CAST: variants seen among roughly 807,000 people sequenced by gnomAD.
The protein encoded by CAST is MIR583 host.
Under a neutral mutation model 119.6 loss-of-function variants are expected in CAST, and 76 were observed. The ratio of observed to expected loss-of-function variants is 0.64; its 90% CI spans 0.53 to 0.77. CAST has a LOEUF of 0.77. CAST is among the 30% of genes least tolerant of loss of function. CAST has a pLI of 0.00. For synonymous variants in CAST, 319 were observed against 331.6 expected (o/e 0.96, Z 0.41); for missense variants, 953 against 946.5 (o/e 1.01, Z -0.09).
At chr5:96,302,511 C>G in the CAST span, among the ~76,000 whole-genome samples, 2 of 152,096 alleles carry the variant, frequency 1.3e-5, no homozygotes, top group African/African-American at 4.8e-5. Context: ...GCTCTGCTTC[C>G]CTTTTAAATA....
intron 2 of CAST, among the ~76,000 whole-genome samples, chr5:96,680,209 C>T (rs946452574): frequency 6.6e-6 from 1 of 151,140 alleles, no homozygotes; most frequent in Admixed American, 6.6e-5. Context: ...ATTGGCCAGG[C>T]GTGGTCGTGG....
chr5:96,009,055 A>G, the CAST span, among the ~76,000 whole-genome samples: 1 of 152,134 alleles, frequency 6.6e-6, no homozygotes, highest in African/African-American at 2.4e-5. Context: ...ACAAGTGAGA[A>G]CATGCAGTAT....
the CAST span, among the ~76,000 whole-genome samples, chr5:96,347,090 G>T: frequency 1.3e-5 from 2 of 151,936 alleles, no homozygotes. Flanking sequence ...CCCTTCCACT[G>T]GGCTCACGCA....
chr5:96,226,849 T>C, the CAST span, among the ~76,000 whole-genome samples: 1 of 152,284 alleles, frequency 6.6e-6, no homozygotes, highest in South Asian at 2.1e-4. Context: ...GAAACCAAAA[T>C]AACAGCATTT....
intron 17 of CAST, among the ~76,000 whole-genome samples, chr5:96,746,861 A>G (rs1763863855): frequency 6.6e-6 from 1 of 152,222 alleles, no homozygotes; most frequent in African/African-American, 2.4e-5. Context: ...TGAGGATGGT[A>G]GACTAACTCC....
At chr5:96,074,806 A>T in the CAST span, among the ~76,000 whole-genome samples, 1 of 152,220 alleles carries the variant, frequency 6.6e-6, no homozygotes, top group Non-Finnish European at 1.5e-5. Context: ...AAGAGGTTGA[A>T]ATTATTTCAT....
the CAST span, chr5:95,964,968 C>T: frequency 6.6e-6 from 1 of 152,320 alleles, no homozygotes; most frequent in African/African-American, 2.4e-5. Context: ...TCAAGGCCTT[C>T]TCTGGCATTC....
At chr5:96,002,122 A>G in the CAST span, among the ~76,000 whole-genome samples, 6 of 152,230 alleles carry the variant, frequency 3.9e-5, no homozygotes, top group Non-Finnish European at 7.3e-5. Context: ...TGGCAAATGT[A>G]CCATTTAGGA....
chr5:96,626,808 C>T (rs1392088314), intron 1 of CAST, among the ~76,000 whole-genome samples: 1 of 152,200 alleles, frequency 6.6e-6, no homozygotes, highest in Non-Finnish European at 1.5e-5. Context: ...CCTTCCATCG[C>T]CGAGGCCTGG....
chr5:96,437,732 C>T, the CAST span, among the ~76,000 whole-genome samples: 68 of 152,188 alleles, frequency 4.5e-4, no homozygotes, highest in African/African-American at 1.3e-3. Flanking sequence ...TTAATGAGTC[C>T]GTAGTGATTC....
chr5:96,021,612 AT>A, the CAST span, among the ~76,000 whole-genome samples: 6 of 151,962 alleles, frequency 3.9e-5, no homozygotes, highest in Admixed American at 1.3e-4. Flanking sequence ...CGCCCAGCTA[AT>A]TTTTTTGTAT....
chr5:96,674,700 C>T (rs1181390308), intron 1 of CAST, among the ~76,000 whole-genome samples: 5 of 152,144 alleles, frequency 3.3e-5, no homozygotes, highest in Admixed American at 1.3e-4. Flanking sequence ...AGTTTGATCA[C>T]TGGGTATAAA....
chr5:96,408,861 C>G, the CAST span, among the ~76,000 whole-genome samples: 56 of 152,142 alleles, frequency 3.7e-4, no homozygotes, highest in Non-Finnish European at 5.4e-4. Context: ...AGATTTGATA[C>G]CTGTGAGTTG....
chr5:96,314,678 C>A, the CAST span, among the ~76,000 whole-genome samples: 584 of 152,280 alleles, frequency 3.8e-3, 1 homozygote, highest in Non-Finnish European at 6.5e-3. Context: ...TTTATGATGT[C>A]AAATTCCCTA....
At chr5:96,069,910 G>C in the CAST span, among the ~76,000 whole-genome samples, 2 of 151,966 alleles carry the variant, frequency 1.3e-5, no homozygotes, top group South Asian at 2.1e-4. Flanking sequence ...TCAGCACTTT[G>C]GGTGGGCGAT....
At chr5:96,406,448 C>A in the CAST span, among the ~76,000 whole-genome samples, 12 of 152,144 alleles carry the variant, frequency 7.9e-5, no homozygotes, top group Non-Finnish European at 1.5e-5. Flanking sequence ...TAATTGAGCA[C>A]CTGAATTTAC....
chr5:96,219,086 T>A, the CAST span, among the ~76,000 whole-genome samples: 3 of 152,230 alleles, frequency 2.0e-5, no homozygotes, highest in African/African-American at 4.8e-5. Flanking sequence ...GCTCAGTTAA[T>A]GTGAGGTATT....
the CAST span, among the ~76,000 whole-genome samples, chr5:96,351,331 C>T: frequency 7.2e-5 from 11 of 152,160 alleles, no homozygotes; most frequent in East Asian, 9.7e-4. Flanking sequence ...GATATAATGG[C>T]GGTGGCATGC....
the CAST span, among the ~76,000 whole-genome samples, chr5:95,970,717 G>C: frequency 3.3e-5 from 5 of 152,188 alleles, no homozygotes; most frequent in African/African-American, 9.6e-5. Flanking sequence ...TTAATAACCT[G>C]TGATCTGATT....
Sources: allele counts gnomAD v4.1 joint callset (sites outside exome capture counted in the v4.1 genomes callset), GRCh38; gene constraint gnomAD v4.1.1; transcripts MANE v1.5; gene names NCBI Gene and HGNC (gene_info 2026-07-23, HGNC 2026-07-21).